Variants in CHRM3 observed in about 807,000 individuals in gnomAD.
CHRM3 encodes the protein muscarinic acetylcholine receptor M3.
Under a neutral mutation model 41.8 loss-of-function variants are expected in CHRM3, and 11 were observed. The ratio of observed to expected loss-of-function variants is 0.26; its 90% CI spans 0.17 to 0.44. CHRM3 has a LOEUF of 0.44. Among genes scored for constraint, CHRM3 ranks in the 20% least tolerant of loss-of-function variants. CHRM3 has a pLI of 1.00. For synonymous variants in CHRM3, 297 were observed against 301.4 expected, an observed-to-expected ratio of 0.99 and a Z score of 0.15; for missense variants, 571 against 745.4, an observed-to-expected ratio of 0.77 and a Z score of 2.72.
At chr1:239,757,947 ACAGT>A (rs1666379740) in intron 5 of CHRM3, among the ~76,000 whole-genome samples, 3 of 152,190 alleles carry the variant, frequency 2.0e-5, no homozygotes, top group Admixed American at 2.0e-4. Context: ...TAGGTTAGAC[ACAGT>A]CAGTCAATTG....
intron 5 of CHRM3, among the ~76,000 whole-genome samples, chr1:239,743,685 C>G (rs563937236): frequency 6.6e-6 from 1 of 151,876 alleles, no homozygotes; most frequent in Non-Finnish European, 1.5e-5. Context: ...ACCAAACCAT[C>G]AACCACTAGG....
intron 3 of CHRM3, among the ~76,000 whole-genome samples, chr1:239,620,732 A>C (rs913086053): frequency 1.1e-4 from 16 of 152,204 alleles, no homozygotes; most frequent in African/African-American, 3.6e-4. Context: ...AATAAGAAAA[A>C]GGAAGCAACC....
At position 239,908,533 on chromosome 1, in the gene CHRM3, C is replaced by T. The variant is rs774144467; in HGVS notation, c.1082C>T (p.Thr361Met). The T allele has an allele frequency of 1.7e-5, 27 of 1,588,136 alleles. No individual in the cohort carries two copies. The highest frequency in any genetic ancestry group is 2.1e-5 in the Non-Finnish European group (24 of 1,167,272). The change falls in exon 7 of 7, where the codon ACG becomes ATG. Residue 361 changes from threonine (T) to methionine (M), a missense_variant. Physicochemically the swap from Thr to Met is moderately conservative, Grantham distance 81. This residue lies in a region of CHRM3 where 239 missense variants were observed against 239.6 expected (regional missense o/e 1.00). Coordinates refer to ENST00000676153, the MANE Select transcript of CHRM3 (RefSeq NM_001375978.1). The surrounding 1 kb of genome is among the most constrained non-coding windows in gnomAD (Gnocchi z 7.2). ...SSDEEDIGSE[T>M]RAIYSIVLKL... The stretch of plus-strand genomic sequence containing the variant: ...GACGAGGAGGACATTGGCTCCGAGA[C>T]GAGAGCCATCTACTCCATCGTGCTC...
At chr1:239,759,534 A>G (rs1666558316) in intron 5 of CHRM3, among the ~76,000 whole-genome samples, 1 of 152,076 alleles carries the variant, frequency 6.6e-6, no homozygotes. Context: ...CAGCCTTATC[A>G]CTCCAATAAA....
intron 1 of CHRM3, among the ~76,000 whole-genome samples, chr1:239,437,649 A>G (rs1453820169): frequency 2.0e-5 from 3 of 152,010 alleles, no homozygotes; most frequent in African/African-American, 4.8e-5. Context: ...CGATTCTCCT[A>G]TCTCAGCCTC....
intron 4 of CHRM3, among the ~76,000 whole-genome samples, chr1:239,633,201 G>A (rs1360677381): frequency 1.3e-5 from 2 of 152,194 alleles, no homozygotes; most frequent in East Asian, 3.9e-4. Flanking sequence ...TCGATCTCCT[G>A]ACCTCATGAT....
chr1:239,762,150 T>C (rs1666847326), intron 5 of CHRM3, among the ~76,000 whole-genome samples: 2 of 152,186 alleles, frequency 1.3e-5, no homozygotes, highest in African/African-American at 4.8e-5. Context: ...TTCTTTTAAC[T>C]CTATCATGAC....
chr1:239,750,765 T>G (rs1665741892), intron 5 of CHRM3, among the ~76,000 whole-genome samples: 1 of 152,212 alleles, frequency 6.6e-6, no homozygotes, highest in Non-Finnish European at 1.5e-5. Context: ...TGTCCATAAA[T>G]TCTCTCTTAC....
At chr1:239,799,953 C>T (rs1553270660) in intron 5 of CHRM3, among the ~76,000 whole-genome samples, 3 of 152,170 alleles carry the variant, frequency 2.0e-5, no homozygotes, top group Non-Finnish European at 4.4e-5. Flanking sequence ...CTTAGGGACA[C>T]TGTTTGTTAT....
intron 5 of CHRM3, among the ~76,000 whole-genome samples, chr1:239,780,825 GT>G (rs1384780384): frequency 3.3e-5 from 5 of 152,062 alleles, no homozygotes; most frequent in Non-Finnish European, 7.4e-5. Context: ...ATTTGTGTGT[GT>G]GTGTGTGTGT....
At chr1:239,553,396 G>A (rs1660054783) in intron 3 of CHRM3, among the ~76,000 whole-genome samples, 1 of 151,992 alleles carries the variant, frequency 6.6e-6, no homozygotes, top group South Asian at 2.1e-4. Flanking sequence ...GCATACAAAT[G>A]AGAATCTATA....
intron 4 of CHRM3, among the ~76,000 whole-genome samples, chr1:239,667,724 G>A (rs939692938): frequency 2.6e-5 from 4 of 152,028 alleles, no homozygotes; most frequent in Admixed American, 6.6e-5. Flanking sequence ...ACAGGCTTTC[G>A]GATGTTTTTC....
intron 3 of CHRM3, among the ~76,000 whole-genome samples, chr1:239,601,600 CTCTGAACCTT>C (rs1665547143): frequency 6.6e-6 from 1 of 151,858 alleles, no homozygotes; most frequent in African/African-American, 2.4e-5. Context: ...AAATTAACCA[CTCTGAACCTT>C]TAGTCTTCAT....
At chr1:239,566,496 T>C (rs1661374278) in intron 3 of CHRM3, among the ~76,000 whole-genome samples, 1 of 152,212 alleles carries the variant, frequency 6.6e-6, no homozygotes, top group Admixed American at 6.5e-5. Flanking sequence ...TTATATCTTT[T>C]GTATCAGAGT....
intron 5 of CHRM3, among the ~76,000 whole-genome samples, chr1:239,812,944 G>A (rs1055089834): frequency 3.3e-5 from 5 of 152,108 alleles, no homozygotes; most frequent in Admixed American, 6.5e-5. Flanking sequence ...TTTCCTGAAC[G>A]GTCTCTTGCA....
At chr1:239,905,170 T>C (rs1395308559) in intron 6 of CHRM3, among the ~76,000 whole-genome samples, 2 of 152,206 alleles carry the variant, frequency 1.3e-5, no homozygotes, top group Non-Finnish European at 2.9e-5. Flanking sequence ...TGCACATCAA[T>C]TCCACCTTAA....
At chr1:239,670,683 A>G (rs1167580547) in intron 4 of CHRM3, among the ~76,000 whole-genome samples, 1 of 151,886 alleles carries the variant, frequency 6.6e-6, no homozygotes, top group East Asian at 1.9e-4. Flanking sequence ...GTGCTCCACC[A>G]CACCCAGCTA....
intron 3 of CHRM3, among the ~76,000 whole-genome samples, chr1:239,574,048 G>A (rs12409140): frequency 0.4 from 60,118 of 151,848 alleles, 12,788 homozygotes; most frequent in East Asian, 0.6. Context: ...TCATCTAAAA[G>A]CAATGCAAGC....
intron 4 of CHRM3, among the ~76,000 whole-genome samples, chr1:239,676,978 C>A (rs138767507): frequency 2.0e-5 from 3 of 152,160 alleles, no homozygotes; most frequent in Non-Finnish European, 4.4e-5. Context: ...ACATGCCATT[C>A]CCCTTCACAG....
Sources: gnomAD v4.1 joint callset for allele counts (sites outside exome capture counted in the v4.1 genomes callset) on GRCh38, gnomAD v4.1.1 for gene constraint, gnomAD v4.1.1 regional missense constraint, Gnocchi (gnomAD v3.1) non-coding constraint, MANE v1.5 for transcripts, NCBI Gene and HGNC (gene_info 2026-07-23, HGNC 2026-07-21) for gene names.